The following MGAM2 variants were observed in gnomAD, a reference collection of about 807,000 sequenced individuals.
The protein encoded by MGAM2 is maltase-glucoamylase 2 (putative).
In MGAM2, 98 loss-of-function variants were observed where a neutral mutation model predicts 96.1. The ratio of observed to expected loss-of-function variants is 1.02; its 90% CI spans 0.87 to 1.21. The LOEUF (loss-of-function observed/expected upper bound fraction) is 1.21, where lower values mean the gene tolerates loss of function less well. Ranked by LOEUF, MGAM2 falls within the 50% of genes most tolerant of loss-of-function variation. The pLI, the probability that MGAM2 is intolerant of heterozygous loss-of-function variation, is 0.00. For missense variants in MGAM2, 2,055 were observed against 1,182.4 expected (o/e 1.74, Z -10.82); for synonymous variants, 749 against 414.8 (o/e 1.81, Z -9.79).
intron 3 of MGAM2, among the ~76,000 whole-genome samples, chr7:142,125,753 C>A (rs1798809712): frequency 6.6e-6 from 1 of 152,148 alleles, no homozygotes; most frequent in Admixed American, 6.5e-5. Flanking sequence ...ATGTTAGCAT[C>A]TGAAATACTT....
chr7:142,170,337 G>T, intron 27 of MGAM2, 108 bp downstream of exon 27: 1 of 519,576 alleles, frequency 1.9e-6, no homozygotes, highest in Non-Finnish European at 3.4e-6. Flanking sequence ...GGAAATAGGT[G>T]TGCATTTGTT....
chr7:142,131,438 A>G (rs771946550), intron 4 of MGAM2, 80 bp from the exon 5 acceptor site: 6 of 665,790 alleles, frequency 9.0e-6, no homozygotes, highest in African/African-American at 1.8e-5. Context: ...CTCCATCTCA[A>G]AACAAAAACA....
In MGAM2 at chr7:142,147,460, T is replaced by G; in HGVS notation, c.1521T>G (p.Val507=). ...NLNFPPFLPR[V]LDHLLFARTL... is the part of the protein sequence containing the mutation. ...CTAATGAGTATTTCCCTCCAGGAGT[T>G]CTGGATCACTTACTTTTTGCAAGAA... Residue 507 remains valine, a synonymous_variant, in exon 15 of 48, where the codon GTT becomes GTG. Transcript: ENST00000477922. 1 of 701,954 alleles carries G rather than the reference T, an allele frequency of 1.4e-6. No individual in the cohort carries two copies. The highest frequency in any genetic ancestry group is 1.5e-5 in the South Asian group (1 of 67,328). The allele number at this position is 701,954 out of a possible 1,614,324, so 43.5% of individuals were successfully genotyped here.
intron 15 of MGAM2, among the ~76,000 whole-genome samples, chr7:142,150,659 G>T (rs532024989): frequency 6.6e-6 from 1 of 152,288 alleles, no homozygotes; most frequent in African/African-American, 2.4e-5. Flanking sequence ...TTGAACGTAT[G>T]TTAAAATCTA....
intron 29 of MGAM2, 74 bp from the exon 30 acceptor site, chr7:142,172,578 T>C (rs1256717353): frequency 3.3e-6 from 2 of 613,942 alleles, no homozygotes; most frequent in Non-Finnish European, 5.8e-6. Context: ...AGAAAGCAAA[T>C]CTTAGAGCAG....
Position 142,189,358 on chromosome 7 carries a change from T to TC in MGAM2, c.4208-5dup. 1 of 680,484 alleles carries TC rather than the reference T, an allele frequency of 1.5e-6. No homozygotes were observed. The allele number at this position is 680,484 out of a possible 1,614,324, so 42.2% of individuals were successfully genotyped here. A position where few individuals can be genotyped will look rare whatever the true frequency, so the allele number is the denominator to read the frequency against. On this transcript the variant is annotated splice_polypyrimidine_tract_variant and intron_variant, in intron 36 of 47. Coordinates refer to ENST00000477922, the MANE Select transcript of MGAM2 (RefSeq NM_001293626.2). ...GTTGTTTAGGAAATAACTCAACATT[T>TC]CCCCTCAGATTTGGAATCTAGGGAC...
intron 45 of MGAM2, among the ~76,000 whole-genome samples, chr7:142,200,451 C>T (rs1050333049): frequency 5.3e-5 from 8 of 152,104 alleles, no homozygotes; most frequent in Admixed American, 1.3e-4. Context: ...ATACTTACAT[C>T]GATGAAATAT....
At chr7:142,219,349 G>A (rs1797854274) in intron 47 of MGAM2, among the ~76,000 whole-genome samples, 1 of 151,992 alleles carries the variant, frequency 6.6e-6, no homozygotes, top group Non-Finnish European at 1.5e-5. Flanking sequence ...GGCTCTTCTG[G>A]GTATTTACCT....
At position 142,187,839 on chromosome 7, in the gene MGAM2, G is replaced by A; in HGVS notation, c.4207+5G>A. 1.4e-6 allele frequency: 1 copy of A among 701,066 alleles called. No individual in the cohort carries two copies. Among genetic ancestry groups the A allele is most frequent in the East Asian group, 2.7e-5 (1 of 37,218 alleles). The allele number at this position is 701,066 out of a possible 1,614,324, so 43.4% of individuals were successfully genotyped here. A position where few individuals can be genotyped will look rare whatever the true frequency, so the allele number is the denominator to read the frequency against. ...ATAACCCACCCTATATGCCATGTATGTAAAATAATTACTTCATCAACTTAC... is the reference window on the plus strand; with the variant it reads ...ATAACCCACCCTATATGCCATGTATATAAAATAATTACTTCATCAACTTAC... On this transcript the variant is annotated splice_donor_5th_base_variant and intron_variant, in intron 36 of 47. Coordinates refer to ENST00000477922, the MANE Select transcript of MGAM2 (RefSeq NM_001293626.2).
intron 15 of MGAM2, among the ~76,000 whole-genome samples, chr7:142,153,741 A>C (rs1795651246): frequency 6.6e-6 from 1 of 152,242 alleles, no homozygotes; most frequent in South Asian, 2.1e-4. Context: ...AACCAGATCC[A>C]ACTAGACAGA....
Position 142,133,978 on chromosome 7 carries a change from C to A in MGAM2, c.576-3C>A. 1 of 703,538 alleles carries A rather than the reference C, an allele frequency of 1.4e-6. No homozygotes were observed. The highest frequency in any genetic ancestry group is 2.6e-6 in the Non-Finnish European group (1 of 385,322). The allele number at this position is 703,538 out of a possible 1,614,324, so 43.6% of individuals were successfully genotyped here. A position where few individuals can be genotyped will look rare whatever the true frequency, so the allele number is the denominator to read the frequency against. ...TTCTTGCTCTACTTACCCCATGGCCCAGGTTGGACACGAGCATCGGGCCCC... is the reference window on the plus strand; with the variant it reads ...TTCTTGCTCTACTTACCCCATGGCCAAGGTTGGACACGAGCATCGGGCCCC... On this transcript the variant is annotated splice_region_variant and splice_polypyrimidine_tract_variant and intron_variant, in intron 6 of 47. Coordinates refer to ENST00000477922, the MANE Select transcript of MGAM2 (RefSeq NM_001293626.2).
At chr7:142,121,377 C>T (rs1263211427) in intron 3 of MGAM2, among the ~76,000 whole-genome samples, 1 of 152,034 alleles carries the variant, frequency 6.6e-6, no homozygotes, top group African/African-American at 2.4e-5. Context: ...AGGGTTTCAC[C>T]GTGTTGGCCA....
chr7:142,194,541 C>T (rs1273409260), intron 37 of MGAM2, among the ~76,000 whole-genome samples: 1 of 152,152 alleles, frequency 6.6e-6, no homozygotes, highest in African/African-American at 2.4e-5. Context: ...TTCTTTATCA[C>T]ACATACATAC....
intron 32 of MGAM2, 55 bp from the exon 33 acceptor site, chr7:142,183,211 A>G: frequency 1.5e-6 from 1 of 669,152 alleles, no homozygotes. Flanking sequence ...TTTGGAGAGA[A>G]ATTTTCTTAG....
chr7:142,176,184 G>A (rs1053687894), intron 32 of MGAM2, among the ~76,000 whole-genome samples: 18 of 151,602 alleles, frequency 1.2e-4, no homozygotes, highest in African/African-American at 3.9e-4. Flanking sequence ...TACGTCAGGA[G>A]GTTCAAAAAT....
intron 10 of MGAM2, among the ~76,000 whole-genome samples, chr7:142,140,422 G>A (rs987424879): frequency 6.6e-6 from 1 of 152,152 alleles, no homozygotes; most frequent in Admixed American, 6.5e-5. Context: ...ATTCTGGCTT[G>A]ATGCTTGGGT....
At chr7:142,181,683 C>T (rs1047017391) in intron 32 of MGAM2, among the ~76,000 whole-genome samples, 2 of 152,220 alleles carry the variant, frequency 1.3e-5, no homozygotes, top group African/African-American at 4.8e-5. Context: ...AGACCTGCAG[C>T]TCCCTGTTGG....
At chr7:142,149,651 C>T (rs1795500639) in intron 15 of MGAM2, among the ~76,000 whole-genome samples, 1 of 151,980 alleles carries the variant, frequency 6.6e-6, no homozygotes, top group Non-Finnish European at 1.5e-5. Context: ...CGCCATTCTC[C>T]TGCCTCAGCC....
In MGAM2 at chr7:142,222,301, T is replaced by C. The variant is rs1331337296; in HGVS notation, c.*242T>C. ...GCTGTGGGTACTTATTTTGCAACCA[T>C]AGTATGTGCTCTTATTCTTTTAAAT... On this transcript the variant is annotated 3_prime_UTR_variant, in exon 48 of 48. Coordinates refer to ENST00000477922, the MANE Select transcript of MGAM2 (RefSeq NM_001293626.2). 18 of 348,804 alleles carry C rather than the reference T, an allele frequency of 5.2e-5. No individual in the cohort carries two copies. In the Middle Eastern group the frequency reaches 6.5e-3, roughly 127 times the overall value. The allele number at this position is 348,804 out of a possible 1,614,324, so 21.6% of individuals were successfully genotyped here. A position where few individuals can be genotyped will look rare whatever the true frequency, so the allele number is the denominator to read the frequency against.
Sources: allele counts gnomAD v4.1 joint callset (sites outside exome capture counted in the v4.1 genomes callset), GRCh38; gene constraint gnomAD v4.1.1; transcripts MANE v1.5; gene names NCBI Gene and HGNC (gene_info 2026-07-23, HGNC 2026-07-21).